The following ACOXL variants were observed in gnomAD, a reference collection of about 807,000 sequenced individuals.
ACOXL encodes the protein acyl-CoA oxidase like.
Under a neutral mutation model 71.9 loss-of-function variants are expected in ACOXL, and 70 were observed. The ratio of observed to expected loss-of-function variants is 0.97; its 90% CI spans 0.80 to 1.19. The LOEUF (loss-of-function observed/expected upper bound fraction) is 1.19, where lower values mean the gene tolerates loss of function less well. Among genes scored for constraint, ACOXL ranks in the 50% most tolerant of loss-of-function variants. The probability of loss-of-function intolerance (pLI) is 0.00; values close to 1 mark genes in which losing one functional copy is unlikely to be tolerated. For synonymous variants in ACOXL, 253 were observed against 281.6 expected (o/e 0.90, Z 1.02); for missense variants, 703 against 736.3 (o/e 0.95, Z 0.52).
chr2:110,930,996 C>T (rs1024478692), intron 11 of ACOXL, among the ~76,000 whole-genome samples: 9 of 152,092 alleles, frequency 5.9e-5, no homozygotes, highest in African/African-American at 2.2e-4. Context: ...TGGATGTAAC[C>T]CATAAACAAA....
At chr2:110,924,403 C>T (rs542314893) in intron 11 of ACOXL, among the ~76,000 whole-genome samples, 1 of 152,328 alleles carries the variant, frequency 6.6e-6, no homozygotes, top group South Asian at 2.1e-4. Context: ...TTACCCACAG[C>T]AGAATTTTTT....
At chr2:111,117,075 T>C (rs1452146472) in intron 17 of ACOXL, among the ~76,000 whole-genome samples, 1 of 152,214 alleles carries the variant, frequency 6.6e-6, no homozygotes, top group East Asian at 1.9e-4. Flanking sequence ...ATTTCAAGAA[T>C]CATGGCCTAC....
At chr2:110,817,952 C>CTTTTTTTT (rs1193171202) in intron 9 of ACOXL, among the ~76,000 whole-genome samples, 1 of 115,768 alleles carries the variant, frequency 8.6e-6, no homozygotes, top group Non-Finnish European at 1.8e-5. Context: ...ATGCTCCTGA[C>CTTTTTTTT]TTTTTTTTTT....
chr2:111,027,294 T>C (rs1480950614), intron 14 of ACOXL, among the ~76,000 whole-genome samples: 1 of 151,902 alleles, frequency 6.6e-6, no homozygotes. Context: ...ATGGCAAAAT[T>C]TACTATTCTG....
At chr2:111,058,166 C>T (rs1558922304) in intron 16 of ACOXL, among the ~76,000 whole-genome samples, 1 of 152,208 alleles carries the variant, frequency 6.6e-6, no homozygotes, top group African/African-American at 2.4e-5. Flanking sequence ...CAAAATTTGG[C>T]TCTCGGAGAC....
chr2:110,821,285 C>CTT (rs113682220), intron 9 of ACOXL, among the ~76,000 whole-genome samples: 16 of 151,258 alleles, frequency 1.1e-4, no homozygotes, highest in African/African-American at 2.9e-4. Context: ...CTCTCTCTCT[C>CTT]TTTTTTTTTA....
chr2:111,026,622 T>C (rs1325072697), intron 14 of ACOXL, among the ~76,000 whole-genome samples: 2 of 152,066 alleles, frequency 1.3e-5, no homozygotes, highest in Non-Finnish European at 2.9e-5. Flanking sequence ...AGTTCATTGC[T>C]AGAATATAGA....
chr2:110,753,304 G>T (rs1235879088), intron 1 of ACOXL, among the ~76,000 whole-genome samples: 1 of 152,142 alleles, frequency 6.6e-6, no homozygotes, highest in African/African-American at 2.4e-5. Context: ...AGAATTGTGA[G>T]CCAAATAAAC....
chr2:110,839,805 G>GA (rs1690911596), intron 9 of ACOXL, among the ~76,000 whole-genome samples: 1 of 152,016 alleles, frequency 6.6e-6, no homozygotes, highest in African/African-American at 2.4e-5. Flanking sequence ...ACAGCCTGGG[G>GA]ATCCTCCTAT....
intron 9 of ACOXL, among the ~76,000 whole-genome samples, chr2:110,813,334 T>C (rs1358906828): frequency 2.0e-5 from 3 of 152,118 alleles, no homozygotes; most frequent in Non-Finnish European, 4.4e-5. Flanking sequence ...AAACCTTGGG[T>C]TGTGGCAGTG....
chr2:111,049,387 G>A, intron 16 of ACOXL, 99 bp downstream of exon 16: 7 of 935,806 alleles, frequency 7.5e-6, no homozygotes, highest in South Asian at 7.3e-5. Flanking sequence ...AATTTATCAT[G>A]TCTGAATCGT....
chr2:110,785,412 T>C (rs1278231491), intron 3 of ACOXL, among the ~76,000 whole-genome samples: 1 of 150,730 alleles, frequency 6.6e-6, no homozygotes, highest in Non-Finnish European at 1.5e-5. Context: ...TTTTATGCAG[T>C]TTGACCCTAT....
intron 13 of ACOXL, among the ~76,000 whole-genome samples, chr2:110,990,716 A>G (rs2063138069): frequency 6.6e-6 from 1 of 152,182 alleles, no homozygotes; most frequent in African/African-American, 2.4e-5. Flanking sequence ...TCATTACCAG[A>G]TTAATTTTAT....
chr2:110,890,797 C>G (rs76221532), intron 10 of ACOXL, among the ~76,000 whole-genome samples: 1,618 of 152,082 alleles, frequency 0.011, 34 homozygotes, highest in African/African-American at 0.038. Context: ...CTCCTGGGCC[C>G]CTTCTAATTC....
rs1279476284 is a variant in ACOXL, at chr2:110,818,408, A to ACAT, written c.753+13013_753+13014insCAT. ...GACTCTGTCTCAAAAAAAAAAAAAA[A>ACAT]ACATATATATATATATGTGTGTGTG... is the stretch of plus-strand genomic sequence containing the variant. On this transcript the variant is annotated intron_variant, in intron 9 of 17. Coordinates refer to ENST00000439055, the MANE Select transcript of ACOXL (RefSeq NM_001142807.4). Among the ~76,000 whole-genome samples the ACAT allele has an allele frequency of 3.9e-3, 512 of 131,646 alleles. 5 individuals are homozygous for ACAT. Among genetic ancestry groups the ACAT allele is most frequent in the Admixed American group, 0.016 (200 of 12,382 alleles). The allele number at this position is 131,646 out of a possible 152,430, so 86.4% of individuals were successfully genotyped here.
chr2:111,078,918 T>G (rs2067747077), intron 16 of ACOXL, among the ~76,000 whole-genome samples: 1 of 152,206 alleles, frequency 6.6e-6, no homozygotes, highest in African/African-American at 2.4e-5. Flanking sequence ...TTCTGTTGAT[T>G]GTGATTCCAA....
intron 12 of ACOXL, among the ~76,000 whole-genome samples, chr2:110,935,636 C>G (rs575748349): frequency 7.8e-4 from 119 of 152,316 alleles, no homozygotes; most frequent in Non-Finnish European, 1.3e-3. Flanking sequence ...AACTCTGCGC[C>G]CAGTAGCTCC....
chr2:110,751,625 C>CT (rs2104806517), intron 1 of ACOXL, among the ~76,000 whole-genome samples: 1 of 152,324 alleles, frequency 6.6e-6, no homozygotes, highest in South Asian at 2.1e-4. Context: ...AGTGTACATT[C>CT]TCAGGGCTTT....
chr2:110,972,314 C>T (rs919488831), intron 12 of ACOXL, among the ~76,000 whole-genome samples: 3 of 152,186 alleles, frequency 2.0e-5, no homozygotes, highest in South Asian at 2.1e-4. Context: ...TCCAGTTTTA[C>T]AGTCTGCTAA....
Sources: gnomAD v4.1 joint callset for allele counts (sites outside exome capture counted in the v4.1 genomes callset) on GRCh38, gnomAD v4.1.1 for gene constraint, MANE v1.5 for transcripts, NCBI Gene and HGNC (gene_info 2026-07-23, HGNC 2026-07-21) for gene names.